Variants in GATAD2A observed in about 807,000 individuals in gnomAD.
GATAD2A encodes the protein GATA zinc finger domain containing 2A.
A neutral mutation model predicts 68.5 loss-of-function variants in GATAD2A; 12 were observed. The observed-to-expected ratio is 0.18, with a 90% CI of 0.11 to 0.28. GATAD2A has a LOEUF of 0.28. Ranked by LOEUF, GATAD2A falls within the 10% of genes least tolerant of loss-of-function variation. The pLI is 1.00. For missense variants in GATAD2A, 755 were observed against 868.5 expected (o/e 0.87, Z 1.64); for synonymous variants, 410 against 375.3 (o/e 1.09, Z -1.07).
chr19:19,427,668 C>T (rs1316892659), intron 1 of GATAD2A: 1 of 155,284 alleles, frequency 6.4e-6, no homozygotes, highest in Non-Finnish European at 1.4e-5. Context: ...GAAGGTATTT[C>T]TTTCTTTCTT....
At position 19,505,525 on chromosome 19, in the gene GATAD2A, CT is replaced by C. The variant is rs753197744; in HGVS notation, c.*52del. On this transcript the variant is annotated 3_prime_UTR_variant, in exon 12 of 12. Coordinates refer to ENST00000683918, the MANE Select transcript of GATAD2A (RefSeq NM_001384528.1). The stretch of plus-strand genomic sequence containing the variant: ...GGCTCCCTCCTCCCCCACCTGGCCC[CT>C]GGTCTAGAAGGACCCACTGCACCAC... The C allele has an allele frequency of 8.5e-6, 13 of 1,520,560 alleles. No individual in the cohort carries two copies. In the Admixed American group the frequency reaches 1.6e-4, roughly 19 times the overall value. 94.2% of individuals were successfully genotyped at this position (1,520,560 alleles called of 1,614,324 possible).
At chr19:19,401,469 T>C (rs2049743414), upstream of GATAD2A, among the ~76,000 whole-genome samples, 1 of 152,054 alleles carries the variant, frequency 6.6e-6, no homozygotes, top group Non-Finnish European at 1.5e-5. Flanking sequence ...CTCCTTGGCC[T>C]CCCAAAGTGC....
chr19:19,503,191 G>A (rs1019999272), intron 11 of GATAD2A, among the ~76,000 whole-genome samples: 2 of 152,240 alleles, frequency 1.3e-5, no homozygotes, highest in African/African-American at 4.8e-5. Flanking sequence ...TCAAAAATAG[G>A]GAAAGAAAAG....
upstream of GATAD2A, among the ~76,000 whole-genome samples, chr19:19,401,212 CT>C (rs1187049852): frequency 0.098 from 8,974 of 91,630 alleles, 179 homozygotes; most frequent in East Asian, 0.2. Context: ...AAAAACTTGG[CT>C]TTTTTTTTTT....
chr19:19,496,919 CAA>C (rs145471823), intron 7 of GATAD2A, among the ~76,000 whole-genome samples: 1,973 of 152,318 alleles, frequency 0.013, 50 homozygotes, highest in African/African-American at 0.046. Flanking sequence ...CCTCCTCAGA[CAA>C]GAGCAAGGCT....
chr19:19,448,816 A>C (rs1397848968), intron 1 of GATAD2A, among the ~76,000 whole-genome samples: 1 of 152,152 alleles, frequency 6.6e-6, no homozygotes, highest in Non-Finnish European at 1.5e-5. Context: ...CTTTCTCCTC[A>C]TAATAAGCCT....
chr19:19,464,211 T>C (rs1221949952), intron 1 of GATAD2A, among the ~76,000 whole-genome samples: 2 of 152,186 alleles, frequency 1.3e-5, no homozygotes, highest in African/African-American at 2.4e-5. Flanking sequence ...CAGGTGTGAA[T>C]TGGGGTTCTC....
chr19:19,480,483 A>T (rs1307591666), intron 2 of GATAD2A, among the ~76,000 whole-genome samples: 3 of 152,174 alleles, frequency 2.0e-5, no homozygotes, highest in Non-Finnish European at 2.9e-5. Context: ...TTCATGAAGC[A>T]CCAGGCTTTG....
At position 19,479,873 on chromosome 19, in the gene GATAD2A, C is replaced by T. The variant is rs566137324; in HGVS notation, c.270-12433C>T. 1.8e-4 allele frequency among the ~76,000 whole-genome samples: 23 copies of T among 130,006 alleles called. No homozygotes were observed. The East Asian group carries it at 4.7e-3, about 27-fold the overall frequency. 85.3% of individuals were successfully genotyped at this position (130,006 alleles called of 152,430 possible). A position where few individuals can be genotyped will look rare whatever the true frequency, so the allele number is the denominator to read the frequency against. On this transcript the variant is annotated intron_variant, in intron 2 of 11. Transcript: ENST00000683918. The stretch of plus-strand genomic sequence containing the variant: ...TTTTTTTTGAGATGGAGTCTCACTG[C>T]GTTACCTAGGCTGGAGTGCAATGGC...
chr19:19,439,914 T>C (rs1016219934), intron 1 of GATAD2A, among the ~76,000 whole-genome samples: 8 of 152,068 alleles, frequency 5.3e-5, no homozygotes, highest in Non-Finnish European at 1.0e-4. Flanking sequence ...CTCCAGCAAA[T>C]CCACTTCTGG....
intron 1 of GATAD2A, among the ~76,000 whole-genome samples, chr19:19,460,006 G>A (rs924930195): frequency 5.9e-5 from 9 of 152,192 alleles, no homozygotes; most frequent in South Asian, 2.1e-4. Flanking sequence ...GAAGTGGCTC[G>A]GGCCACAGTT....
chr19:19,506,401 A>AT lies in GATAD2A; in HGVS notation c.*933dup. On this transcript the variant is annotated 3_prime_UTR_variant, in exon 12 of 12. Transcript: ENST00000683918. ...TTTCTGTTGTGGTTTATTTTATTAA[A>AT]TTTTTTCCTTTTTTCTATTCATTTC... The AT allele has an allele frequency of 2.7e-6, 1 of 376,514 alleles. No individual in the cohort carries two copies. Among genetic ancestry groups the AT allele is most frequent in the East Asian group, 3.8e-5 (1 of 26,162 alleles). The allele number at this position is 376,514 out of a possible 1,614,324, so 23.3% of individuals were successfully genotyped here.
chr19:19,473,941 GTC>G, intron 2 of GATAD2A: 1 of 609,548 alleles, frequency 1.6e-6, no homozygotes, highest in African/African-American at 2.0e-5. Flanking sequence ...GCGAGACTCC[GTC>G]TCAAAAAAAC....
Position 19,502,225 on chromosome 19 carries a change from T to C in GATAD2A, c.1579-106T>C, listed in dbSNP as rs578033731. The C allele has an allele frequency of 1.2e-5, 12 of 979,186 alleles. No homozygotes were observed. The African/African-American group carries it at 1.8e-4, about 14-fold the overall frequency. The allele number at this position is 979,186 out of a possible 1,614,324, so 60.7% of individuals were successfully genotyped here. On this transcript the variant is annotated intron_variant, in intron 10 of 11. Transcript: ENST00000683918. ...CTGATTTTGGACTTTAGGGACCCCA[T>C]GTGGGTGGGAAGAGGTCAGCCAGAG...
intron 1 of GATAD2A, among the ~76,000 whole-genome samples, chr19:19,413,042 T>C (rs2051152830): frequency 6.6e-6 from 1 of 152,222 alleles, no homozygotes; most frequent in Non-Finnish European, 1.5e-5. Flanking sequence ...ATGGGACCAG[T>C]GGCTGTGTTA....
intron 1 of GATAD2A, among the ~76,000 whole-genome samples, chr19:19,411,986 C>A (rs1464372907): frequency 6.6e-6 from 1 of 152,042 alleles, no homozygotes; most frequent in Admixed American, 6.6e-5. Context: ...CGTCTGTAAT[C>A]CTAGCACTTT....
chr19:19,386,007 T>TGCC (rs1052735372), exon 1 of GATAD2A: 4 of 151,142 alleles, frequency 2.6e-5, no homozygotes, highest in East Asian at 3.9e-4. Flanking sequence ...CTGTCGCCGC[T>TGCC]GCCGCCGCCG....
intron 2 of GATAD2A, among the ~76,000 whole-genome samples, chr19:19,474,828 G>A (rs924631567): frequency 1.2e-4 from 19 of 152,198 alleles, no homozygotes; most frequent in African/African-American, 3.1e-4. Context: ...CCAGCATACC[G>A]TCTTCACTTG....
chr19:19,403,539 G>A (rs1282587286), upstream of GATAD2A, among the ~76,000 whole-genome samples: 2 of 151,534 alleles, frequency 1.3e-5, no homozygotes, highest in Admixed American at 1.3e-4. Flanking sequence ...TCATTAATGT[G>A]TTGCAGTTGA....
Sources: allele counts gnomAD v4.1 joint callset (sites outside exome capture counted in the v4.1 genomes callset), GRCh38; gene constraint gnomAD v4.1.1; transcripts MANE v1.5; gene names NCBI Gene and HGNC (gene_info 2026-07-23, HGNC 2026-07-21).